Variants in SHISA9 observed in about 807,000 individuals in gnomAD.
SHISA9 encodes the protein protein shisa-9.
SHISA9 carries 13 observed loss-of-function variants against 38.0 expected under a neutral mutation model. The observed-to-expected ratio is 0.34, with a 90% CI of 0.22 to 0.54. SHISA9 has a LOEUF of 0.54. SHISA9 is among the 20% of genes least tolerant of loss of function. The pLI is 0.91. For synonymous variants in SHISA9, 275 were observed against 242.0 expected (o/e 1.14, Z -1.27); for missense variants, 538 against 575.8 (o/e 0.93, Z 0.67).
At chr16:13,089,338 C>T (rs1386293945) in intron 2 of SHISA9, among the ~76,000 whole-genome samples, 5 of 152,158 alleles carry the variant, frequency 3.3e-5, no homozygotes, top group Non-Finnish European at 2.9e-5. Context: ...GGAGGATTCC[C>T]TCTTTTTCTA....
the SHISA9 span, among the ~76,000 whole-genome samples, chr16:13,267,468 TG>T: frequency 6.6e-6 from 1 of 152,194 alleles, no homozygotes; most frequent in Admixed American, 6.5e-5. Flanking sequence ...ACAGCCCTTT[TG>T]GAAAGCAACT....
chr16:13,327,007 C>T, the SHISA9 span, among the ~76,000 whole-genome samples: 3 of 152,116 alleles, frequency 2.0e-5, no homozygotes, highest in South Asian at 2.1e-4. Flanking sequence ...GCTTCTTTGC[C>T]GTCAATAATG....
At chr16:13,414,646 C>CT in the SHISA9 span, among the ~76,000 whole-genome samples, 10 of 136,644 alleles carry the variant, frequency 7.3e-5, 1 homozygote, top group Admixed American at 8.0e-5. Flanking sequence ...TTCTTTCTTT[C>CT]TTTCTTTTTT....
the SHISA9 span, among the ~76,000 whole-genome samples, chr16:13,516,183 A>G: frequency 2.0e-5 from 3 of 152,230 alleles, no homozygotes; most frequent in African/African-American, 7.2e-5. Context: ...ATGGAGGGTC[A>G]GTAGGTGTGA....
At chr16:13,168,633 G>A (rs970231986) in intron 2 of SHISA9, among the ~76,000 whole-genome samples, 1 of 152,238 alleles carries the variant, frequency 6.6e-6, no homozygotes, top group Non-Finnish European at 1.5e-5. Context: ...GAGAAAGCTG[G>A]CCAGAAAGCA....
intron 2 of SHISA9, among the ~76,000 whole-genome samples, chr16:13,162,431 A>T (rs1324230684): frequency 6.6e-6 from 1 of 152,302 alleles, no homozygotes; most frequent in Non-Finnish European, 1.5e-5. Context: ...AAACAGTTTG[A>T]GGCGTAGGGA....
At chr16:13,223,622 T>A (rs1006951771) in intron 4 of SHISA9, among the ~76,000 whole-genome samples, 1 of 152,174 alleles carries the variant, frequency 6.6e-6, no homozygotes, top group Non-Finnish European at 1.5e-5. Context: ...TGTCATCATT[T>A]GTATCAGTCT....
At chr16:13,019,816 CTT>C (rs1231191740) in intron 2 of SHISA9, among the ~76,000 whole-genome samples, 1 of 138,362 alleles carries the variant, frequency 7.2e-6, no homozygotes, top group African/African-American at 2.8e-5. Context: ...TTCTTTCTTT[CTT>C]TCTTTCTTTC....
chr16:13,157,395 C>T (rs185122091), intron 2 of SHISA9, among the ~76,000 whole-genome samples: 14 of 152,316 alleles, frequency 9.2e-5, no homozygotes, highest in African/African-American at 3.4e-4. Context: ...GATTTTGGAA[C>T]TTGAATGCCT....
At chr16:13,482,464 G>C in the SHISA9 span, among the ~76,000 whole-genome samples, 389 of 152,238 alleles carry the variant, frequency 2.6e-3, 1 homozygote, top group African/African-American at 8.9e-3. Flanking sequence ...GTCATTAATA[G>C]CTCCATTTTA....
intron 2 of SHISA9, among the ~76,000 whole-genome samples, chr16:13,047,838 C>T (rs555529952): frequency 6.6e-6 from 1 of 152,138 alleles, no homozygotes; most frequent in South Asian, 2.1e-4. Context: ...TCAGACCTTA[C>T]GTTGAGTGCT....
At chr16:13,271,608 G>T in the SHISA9 span, among the ~76,000 whole-genome samples, 19 of 152,128 alleles carry the variant, frequency 1.2e-4, no homozygotes, top group Non-Finnish European at 2.5e-4. Context: ...AATATATTAT[G>T]TAAAGTGAAA....
At chr16:13,070,435 C>T (rs1046407027) in intron 2 of SHISA9, among the ~76,000 whole-genome samples, 5 of 152,162 alleles carry the variant, frequency 3.3e-5, no homozygotes, top group African/African-American at 1.2e-4. Context: ...GGTTGGCGGG[C>T]AGATTTTTTG....
At chr16:13,134,522 T>C (rs1309260383) in intron 2 of SHISA9, among the ~76,000 whole-genome samples, 2 of 152,130 alleles carry the variant, frequency 1.3e-5, no homozygotes, top group East Asian at 3.9e-4. Context: ...ATATTTGAGT[T>C]AAATCTTAAA....
intron 3 of SHISA9, 75 bp downstream of exon 3, chr16:13,203,624 T>C (rs2051028890): frequency 9.7e-6 from 13 of 1,344,174 alleles, no homozygotes; most frequent in Non-Finnish European, 1.3e-5. Context: ...GATCTCTTTA[T>C]CTCCAGTTTT....
At chr16:13,139,948 A>G (rs927989079) in intron 2 of SHISA9, among the ~76,000 whole-genome samples, 10 of 151,896 alleles carry the variant, frequency 6.6e-5, no homozygotes, top group Non-Finnish European at 1.3e-4. Context: ...TCACAGCCTC[A>G]CCCACCTCTC....
At chr16:13,181,298 TATATATATATATATACAC>T (rs1421721847) in intron 2 of SHISA9, among the ~76,000 whole-genome samples, 8 of 42,050 alleles carry the variant, frequency 1.9e-4, no homozygotes, top group African/African-American at 9.2e-4. Flanking sequence ...TATATATATA[TATATATATATATATACAC>T]ACACACACAC....
chr16:13,545,288 G>A, the SHISA9 span, among the ~76,000 whole-genome samples: 2 of 152,164 alleles, frequency 1.3e-5, no homozygotes, highest in Admixed American at 1.3e-4. Context: ...TCACCAAATG[G>A]TCTGATTGTT....
chr16:12,990,338 A>C (rs2072368830), intron 2 of SHISA9, among the ~76,000 whole-genome samples: 1 of 152,182 alleles, frequency 6.6e-6, no homozygotes, highest in Non-Finnish European at 1.5e-5. Flanking sequence ...TTCTGCCTCT[A>C]GGTCTTTGAG....
Sources: allele counts gnomAD v4.1 joint callset (sites outside exome capture counted in the v4.1 genomes callset), GRCh38; gene constraint gnomAD v4.1.1; transcripts MANE v1.5; gene names NCBI Gene and HGNC (gene_info 2026-07-23, HGNC 2026-07-21).